Variants in SCHIP1 observed in about 807,000 individuals in gnomAD.
SCHIP1 encodes schwannomin interacting protein 1, also known as schwannomin-interacting protein 1.
A neutral mutation model predicts 29.7 loss-of-function variants in SCHIP1; 8 were observed. The ratio of observed to expected loss-of-function variants is 0.27; its 90% CI spans 0.16 to 0.49. SCHIP1 has a LOEUF of 0.49. Among genes scored for constraint, SCHIP1 ranks in the 20% least tolerant of loss-of-function variants. The probability of loss-of-function intolerance (pLI) is 0.99; values close to 1 mark genes in which losing one functional copy is unlikely to be tolerated. For missense variants in SCHIP1, 193 were observed against 294.6 expected, an observed-to-expected ratio of 0.66 and a Z score of 2.52; for synonymous variants, 76 against 94.9, an observed-to-expected ratio of 0.80 and a Z score of 1.16.
At chr3:159,290,060 T>C in the SCHIP1 span, among the ~76,000 whole-genome samples, 3 of 152,194 alleles carry the variant, frequency 2.0e-5, no homozygotes, top group African/African-American at 7.2e-5. Flanking sequence ...ACAAACTTTT[T>C]ATCTACAGAC....
chr3:159,454,769 C>A, the SCHIP1 span, among the ~76,000 whole-genome samples: 1 of 152,102 alleles, frequency 6.6e-6, no homozygotes, highest in African/African-American at 2.4e-5. Context: ...GTGGCAGGAG[C>A]CTCAATGACT....
chr3:159,740,571 A>G, the SCHIP1 span, among the ~76,000 whole-genome samples: 5 of 151,956 alleles, frequency 3.3e-5, no homozygotes, highest in African/African-American at 1.2e-4. Flanking sequence ...AATCCAATGA[A>G]ATCTTCTTTA....
intron 2 of SCHIP1, among the ~76,000 whole-genome samples, chr3:159,869,952 T>G (rs892964131): frequency 5.3e-5 from 8 of 151,956 alleles, no homozygotes; most frequent in African/African-American, 1.9e-4. Flanking sequence ...ATTACACATC[T>G]CTTGTTATAT....
chr3:159,287,753 A>G, the SCHIP1 span, among the ~76,000 whole-genome samples: 1 of 152,172 alleles, frequency 6.6e-6, no homozygotes, highest in Admixed American at 6.5e-5. Flanking sequence ...ATGCTAAGTA[A>G]CTTTTTCTGA....
At chr3:159,732,622 GA>G in the SCHIP1 span, among the ~76,000 whole-genome samples, 1 of 152,226 alleles carries the variant, frequency 6.6e-6, no homozygotes, top group Non-Finnish European at 1.5e-5. Flanking sequence ...CCTGTGGGGA[GA>G]AGGCAGCAAG....
the SCHIP1 span, among the ~76,000 whole-genome samples, chr3:159,775,479 C>A: frequency 6.6e-6 from 1 of 152,212 alleles, no homozygotes; most frequent in Non-Finnish European, 1.5e-5. Context: ...GCAGCACACA[C>A]CCCTTGCTTC....
At chr3:159,431,304 G>A in the SCHIP1 span, among the ~76,000 whole-genome samples, 7 of 151,972 alleles carry the variant, frequency 4.6e-5, no homozygotes, top group Non-Finnish European at 7.4e-5. Flanking sequence ...GGGTGTGGTG[G>A]GGGAGTGCTC....
chr3:159,790,557 G>A, the SCHIP1 span, among the ~76,000 whole-genome samples: 1 of 152,178 alleles, frequency 6.6e-6, no homozygotes, highest in African/African-American at 2.4e-5. Flanking sequence ...ATGGTGGTAT[G>A]TACCTGTAGT....
chr3:159,889,205 T>C (rs1717248749), intron 5 of SCHIP1, among the ~76,000 whole-genome samples: 1 of 152,234 alleles, frequency 6.6e-6, no homozygotes, highest in African/African-American at 2.4e-5. Context: ...GCACAGTGCA[T>C]GTACCTGACT....
At chr3:159,328,294 G>A in the SCHIP1 span, among the ~76,000 whole-genome samples, 10 of 152,052 alleles carry the variant, frequency 6.6e-5, no homozygotes, top group African/African-American at 2.4e-4. Flanking sequence ...AGAAGTATGA[G>A]GATGACCAAT....
chr3:159,561,720 C>G, the SCHIP1 span, among the ~76,000 whole-genome samples: 1 of 152,018 alleles, frequency 6.6e-6, no homozygotes, highest in East Asian at 1.9e-4. Flanking sequence ...GTGAAGGACA[C>G]ATCAATTTTA....
At chr3:159,346,078 C>G in the SCHIP1 span, among the ~76,000 whole-genome samples, 1 of 151,514 alleles carries the variant, frequency 6.6e-6, no homozygotes. Flanking sequence ...CCTGTAGTCC[C>G]AGCTACTTGG....
the SCHIP1 span, among the ~76,000 whole-genome samples, chr3:159,822,997 T>C: frequency 1.3e-5 from 2 of 151,048 alleles, no homozygotes; most frequent in East Asian, 3.9e-4. Context: ...AGCAAGACAG[T>C]GAAAGGAACG....
the SCHIP1 span, among the ~76,000 whole-genome samples, chr3:159,334,964 G>A: frequency 6.6e-6 from 1 of 150,430 alleles, no homozygotes; most frequent in Admixed American, 6.7e-5. Context: ...GTAGTGCTGC[G>A]ATCTCAGCTC....
the SCHIP1 span, among the ~76,000 whole-genome samples, chr3:159,300,922 C>T: frequency 6.6e-6 from 1 of 152,102 alleles, no homozygotes; most frequent in African/African-American, 2.4e-5. Context: ...CTTAAATATC[C>T]ATGATGTTTT....
chr3:159,886,345 C>A (rs2109435259), intron 3 of SCHIP1, 21 bp downstream of exon 4: 1 of 1,604,038 alleles, frequency 6.2e-7, no homozygotes, highest in South Asian at 1.1e-5. Flanking sequence ...ACAGCACCAG[C>A]TGAAGCTCGG....
chr3:159,451,221 G>C, the SCHIP1 span, among the ~76,000 whole-genome samples: 73 of 152,188 alleles, frequency 4.8e-4, no homozygotes, highest in African/African-American at 1.7e-3. Flanking sequence ...TATCTGAAGG[G>C]CACATGTTAA....
chr3:159,805,709 A>G, the SCHIP1 span, among the ~76,000 whole-genome samples: 1 of 152,116 alleles, frequency 6.6e-6, no homozygotes, highest in African/African-American at 2.4e-5. Context: ...TGTATGAGTA[A>G]ACGAAAGACC....
At chr3:159,661,004 A>G in the SCHIP1 span, among the ~76,000 whole-genome samples, 3 of 152,198 alleles carry the variant, frequency 2.0e-5, no homozygotes, top group Non-Finnish European at 4.4e-5. Context: ...TACTGTGGAT[A>G]TGAAATAAAA....
Sources: allele counts gnomAD v4.1 joint callset (sites outside exome capture counted in the v4.1 genomes callset), GRCh38; gene constraint gnomAD v4.1.1; transcripts MANE v1.5; gene names NCBI Gene and HGNC (gene_info 2026-07-23, HGNC 2026-07-21).